Variants in OSBPL1A observed in about 807,000 individuals in gnomAD.
The protein encoded by OSBPL1A is oxysterol binding protein like 1A, also known as oxysterol-binding protein-related protein 1.
In OSBPL1A, 80 loss-of-function variants were observed where a neutral mutation model predicts 137.1. The ratio of observed to expected loss-of-function variants is 0.58; its 90% CI spans 0.49 to 0.70. The LOEUF is 0.70. Ranked by LOEUF, OSBPL1A falls within the 30% of genes least tolerant of loss-of-function variation. The pLI, the probability that OSBPL1A is intolerant of heterozygous loss-of-function variation, is 0.00. For synonymous variants in OSBPL1A, 365 were observed against 389.7 expected, an observed-to-expected ratio of 0.94 and a Z score of 0.75; for missense variants, 970 against 1,129.4, an observed-to-expected ratio of 0.86 and a Z score of 2.02.
chr18:24,220,076 G>A (rs1375200185), intron 17 of OSBPL1A, among the ~76,000 whole-genome samples: 1 of 152,160 alleles, frequency 6.6e-6, no homozygotes, highest in Non-Finnish European at 1.5e-5. Flanking sequence ...TGGCCTGCTG[G>A]CTTTTAGTCC....
At chr18:24,321,001 CTGG>C (rs1468557849) in intron 7 of OSBPL1A, among the ~76,000 whole-genome samples, 1 of 136,526 alleles carries the variant, frequency 7.3e-6, no homozygotes, top group Non-Finnish European at 1.5e-5. Context: ...GCACTCCAGC[CTGG>C]GGAACAAGAG....
chr18:24,268,532 TTTG>T (rs2089639006), intron 15 of OSBPL1A, among the ~76,000 whole-genome samples: 1 of 151,546 alleles, frequency 6.6e-6, no homozygotes, highest in Non-Finnish European at 1.5e-5. Flanking sequence ...CCCATTTTTT[TTTG>T]TTTTTGTTTT....
intron 18 of OSBPL1A, among the ~76,000 whole-genome samples, chr18:24,187,609 C>T (rs566807228): frequency 6.6e-6 from 1 of 152,124 alleles, no homozygotes; most frequent in African/African-American, 2.4e-5. Flanking sequence ...CAGAATAGTG[C>T]CAGGCATCTG....
chr18:24,261,149 C>T (rs553433213), intron 15 of OSBPL1A, among the ~76,000 whole-genome samples: 10 of 152,108 alleles, frequency 6.6e-5, no homozygotes, highest in African/African-American at 1.9e-4. Flanking sequence ...AGCCAGAACC[C>T]GCCCCCAAAA....
At chr18:24,246,208 G>T (rs745799136) in intron 15 of OSBPL1A, among the ~76,000 whole-genome samples, 1 of 151,654 alleles carries the variant, frequency 6.6e-6, no homozygotes, top group East Asian at 1.9e-4. Context: ...GCGAAACCCC[G>T]TCTTGAAAAA....
chr18:24,170,215 A>C (rs768213272), intron 24 of OSBPL1A, 112 bp downstream of exon 24: 41 of 1,270,092 alleles, frequency 3.2e-5, no homozygotes, highest in Middle Eastern at 2.1e-4. Context: ...ATGCATTAGC[A>C]ACAAGGAAGA....
intron 14 of OSBPL1A, among the ~76,000 whole-genome samples, chr18:24,285,439 G>T (rs977452485): frequency 1.3e-5 from 2 of 152,090 alleles, no homozygotes; most frequent in Non-Finnish European, 2.9e-5. Context: ...TATTACTATA[G>T]GTTGGTTGAT....
intron 7 of OSBPL1A, among the ~76,000 whole-genome samples, chr18:24,322,961 T>C (rs2090893526): frequency 6.6e-6 from 1 of 152,228 alleles, no homozygotes; most frequent in Non-Finnish European, 1.5e-5. Flanking sequence ...AAAGTTTGCA[T>C]GACACAGATT....
At chr18:24,233,097 C>A (rs909046815) in intron 16 of OSBPL1A, among the ~76,000 whole-genome samples, 1 of 152,142 alleles carries the variant, frequency 6.6e-6, no homozygotes, top group Non-Finnish European at 1.5e-5. Flanking sequence ...CGTTCTGAAC[C>A]TACAATATTC....
chr18:24,308,860 C>T (rs566159123), intron 13 of OSBPL1A, among the ~76,000 whole-genome samples: 4 of 152,016 alleles, frequency 2.6e-5, no homozygotes, highest in South Asian at 4.2e-4. Context: ...CGCCCCGCCC[C>T]GCTGGGTTCA....
intron 4 of OSBPL1A, among the ~76,000 whole-genome samples, chr18:24,360,731 T>C (rs1390132694): frequency 6.6e-6 from 1 of 152,194 alleles, no homozygotes; most frequent in African/African-American, 2.4e-5. Context: ...TCAGGTACTC[T>C]GTTTTCTTCT....
chr18:24,244,744 A>T (rs1599554374), intron 15 of OSBPL1A, among the ~76,000 whole-genome samples: 1 of 152,242 alleles, frequency 6.6e-6, no homozygotes, highest in Admixed American at 6.5e-5. Context: ...GGGCGCCAGC[A>T]AGAGAATGCA....
At chr18:24,192,745 T>C (rs1411856057) in intron 18 of OSBPL1A, among the ~76,000 whole-genome samples, 1 of 152,226 alleles carries the variant, frequency 6.6e-6, no homozygotes, top group Non-Finnish European at 1.5e-5. Flanking sequence ...CTTCCTTTCC[T>C]TCCTAAGACA....
At chr18:24,324,564 C>T (rs536382787) in intron 7 of OSBPL1A, among the ~76,000 whole-genome samples, 5 of 45,472 alleles carry the variant, frequency 1.1e-4, no homozygotes, top group East Asian at 8.3e-4. Flanking sequence ...TACATTGGTG[C>T]GTATTTCCAG....
chr18:24,377,919 TAAAGTC>T (rs778960467), intron 1 of OSBPL1A, among the ~76,000 whole-genome samples: 4 of 152,180 alleles, frequency 2.6e-5, no homozygotes, highest in Non-Finnish European at 4.4e-5. Context: ...AAATTAGAGA[TAAAGTC>T]AAAGTATGAC....
intron 15 of OSBPL1A, among the ~76,000 whole-genome samples, chr18:24,242,340 A>C (rs2088728800): frequency 6.6e-6 from 1 of 151,612 alleles, no homozygotes; most frequent in Non-Finnish European, 1.5e-5. Flanking sequence ...GGGGGTTAAA[A>C]AAAAAAAAGA....
At chr18:24,339,462 C>T (rs1373729436) in intron 5 of OSBPL1A, among the ~76,000 whole-genome samples, 2 of 152,204 alleles carry the variant, frequency 1.3e-5, no homozygotes, top group African/African-American at 2.4e-5. Context: ...CAAGCTAAGA[C>T]CACATCAGCT....
At chr18:24,367,646 T>TAAAAA (rs35628897) in intron 3 of OSBPL1A, 1 of 132,476 alleles carries the variant, frequency 7.5e-6, no homozygotes, top group African/African-American at 2.8e-5. Flanking sequence ...TTGTCTTGAT[T>TAAAAA]AAAAAAAAAA....
chr18:24,164,420 G>GTTTT (rs35343209), intron 27 of OSBPL1A, among the ~76,000 whole-genome samples: 18 of 95,964 alleles, frequency 1.9e-4, no homozygotes, highest in African/African-American at 8.0e-4. Context: ...GAGATTTTTG[G>GTTTT]TTTTTTTTTT....
Sources: allele counts gnomAD v4.1 joint callset (sites outside exome capture counted in the v4.1 genomes callset), GRCh38; gene constraint gnomAD v4.1.1; transcripts MANE v1.5; gene names NCBI Gene and HGNC (gene_info 2026-07-23, HGNC 2026-07-21).